The following DAPK1 variants were observed in gnomAD, a reference collection of about 807,000 sequenced individuals.
DAPK1 encodes the protein death associated protein kinase 1, also known as death-associated protein kinase 1.
DAPK1 carries 56 observed loss-of-function variants against 144.9 expected under a neutral mutation model. The ratio of observed to expected loss-of-function variants is 0.39; its 90% CI spans 0.31 to 0.48. DAPK1 has a LOEUF of 0.48. DAPK1 is among the 20% of genes least tolerant of loss of function. DAPK1 has a pLI of 0.95. For missense variants in DAPK1, 1,454 were observed against 1,875.4 expected, an observed-to-expected ratio of 0.78 and a Z score of 4.15; for synonymous variants, 690 against 749.0, an observed-to-expected ratio of 0.92 and a Z score of 1.29.
At chr9:87,682,777 C>T (rs555446390) in intron 20 of DAPK1, among the ~76,000 whole-genome samples, 4 of 152,246 alleles carry the variant, frequency 2.6e-5, no homozygotes, top group South Asian at 2.1e-4. Context: ...TGACAGCTTC[C>T]GAGGTGTTTT....
chr9:87,529,205 GTACTT>G (rs1825624132), intron 2 of DAPK1, among the ~76,000 whole-genome samples: 3 of 152,164 alleles, frequency 2.0e-5, no homozygotes, highest in African/African-American at 4.8e-5. Context: ...TCTTCCAAGT[GTACTT>G]TACTTCCTTT....
intron 3 of DAPK1, 36 bp from the exon 4 acceptor site, chr9:87,637,907 A>C (rs1829958572): frequency 6.2e-7 from 1 of 1,605,644 alleles, no homozygotes; most frequent in African/African-American, 1.3e-5. Context: ...TATGAAACAG[A>C]GTTGTTACCA....
In DAPK1 at chr9:87,708,511, A is replaced by G. The variant is rs1456700535; in HGVS notation, c.*1147A>G. ...TGTTAATGTTATATCATATGTATAT[A>G]TATATATGCACTATGTATATACATA... On this transcript the variant is annotated 3_prime_UTR_variant, in exon 26 of 26. Coordinates refer to ENST00000408954, the MANE Select transcript of DAPK1 (RefSeq NM_004938.4). 2 of 152,648 alleles carry G rather than the reference A, an allele frequency of 1.3e-5. No individual in the cohort carries two copies. The highest frequency in any genetic ancestry group is 2.9e-5 in the Non-Finnish European group (2 of 68,074). 9.5% of individuals were successfully genotyped at this position (152,648 alleles called of 1,614,324 possible).
chr9:87,679,802 T>C (rs1289376760), intron 19 of DAPK1, among the ~76,000 whole-genome samples: 3 of 152,132 alleles, frequency 2.0e-5, no homozygotes, highest in African/African-American at 7.2e-5. Context: ...AATGAGGATA[T>C]TGTGTTCCCA....
intron 2 of DAPK1, among the ~76,000 whole-genome samples, chr9:87,534,313 A>G (rs187378320): frequency 1.1e-4 from 16 of 147,076 alleles, no homozygotes; most frequent in Non-Finnish European, 1.9e-4. Context: ...GACAGTTTTG[A>G]AATTGACAAT....
chr9:87,632,539 A>G (rs1829735294), intron 3 of DAPK1: 25 of 972,610 alleles, frequency 2.6e-5, no homozygotes, highest in African/African-American at 3.5e-5. Flanking sequence ...AAGGAAGATG[A>G]GTATACATGT....
At chr9:87,645,022 A>G (rs1417094116) in intron 11 of DAPK1, among the ~76,000 whole-genome samples, 1 of 152,244 alleles carries the variant, frequency 6.6e-6, no homozygotes, top group Non-Finnish European at 1.5e-5. Flanking sequence ...TCAGATCTAT[A>G]GAGAAGAGAA....
intron 2 of DAPK1, among the ~76,000 whole-genome samples, chr9:87,583,974 A>AT (rs1237694035): frequency 6.6e-6 from 1 of 152,124 alleles, no homozygotes; most frequent in African/African-American, 2.4e-5. Flanking sequence ...CATAATCTCT[A>AT]TTTTTATTTA....
intron 2 of DAPK1, among the ~76,000 whole-genome samples, chr9:87,510,569 A>G (rs1824796828): frequency 6.6e-6 from 1 of 152,148 alleles, no homozygotes; most frequent in Non-Finnish European, 1.5e-5. Context: ...TGGCATTCTT[A>G]TTACAGGGGA....
At chr9:87,502,360 A>T (rs1824435403) in intron 2 of DAPK1, among the ~76,000 whole-genome samples, 1 of 152,114 alleles carries the variant, frequency 6.6e-6, no homozygotes, top group African/African-American at 2.4e-5. Flanking sequence ...CCTCTGTCCC[A>T]GGAGGCGGAA....
chr9:87,512,936 C>T (rs1036018408), intron 2 of DAPK1, among the ~76,000 whole-genome samples: 30 of 152,084 alleles, frequency 2.0e-4, no homozygotes, highest in African/African-American at 7.0e-4. Flanking sequence ...CATGAGCCAC[C>T]ATGCCTGGCC....
rs750864166 is a variant in DAPK1, at chr9:87,706,795, C to T, written c.3724C>T (p.Leu1242=). 3 of 1,613,506 alleles carry T rather than the reference C, an allele frequency of 1.9e-6. No homozygotes were observed. Among genetic ancestry groups the T allele is most frequent in the East Asian group, 2.2e-5 (1 of 44,866 alleles). The part of the protein sequence containing the change: ...TVKHYLSPQQ[L]REHHEPVMIY... The stretch of plus-strand genomic sequence containing the variant: ...GAAGCATTACCTGAGCCCCCAGCAG[C>T]TGCGGGAGCACCATGAGCCCGTCAT... Residue 1242 remains leucine (L), a synonymous_variant, in exon 26 of 26, where the codon CTG becomes TTG. Transcript: ENST00000408954. This position sits in a 1 kb window ranked among gnomAD's most constrained non-coding sequence, Gnocchi z 9.0.
At chr9:87,588,706 G>A (rs982516321) in intron 2 of DAPK1, among the ~76,000 whole-genome samples, 2 of 152,088 alleles carry the variant, frequency 1.3e-5, no homozygotes, top group East Asian at 1.9e-4. Context: ...ATGGAAATAT[G>A]GATTTATTTT....
chr9:87,604,110 G>T (rs961820148), intron 2 of DAPK1, among the ~76,000 whole-genome samples: 8 of 152,244 alleles, frequency 5.3e-5, no homozygotes, highest in Non-Finnish European at 1.2e-4. Flanking sequence ...CTTCTGCAGT[G>T]GTTGTCTTCA....
intron 2 of DAPK1, among the ~76,000 whole-genome samples, chr9:87,524,967 A>G (rs1267790523): frequency 6.6e-6 from 1 of 152,216 alleles, no homozygotes; most frequent in East Asian, 1.9e-4. Flanking sequence ...TGGATGCACC[A>G]AAATTTCACA....
chr9:87,610,162 C>T (rs1828874465), intron 3 of DAPK1, among the ~76,000 whole-genome samples: 1 of 152,214 alleles, frequency 6.6e-6, no homozygotes, highest in South Asian at 2.1e-4. Flanking sequence ...TATGTTTTTC[C>T]CCTACTTGCT....
intron 18 of DAPK1, among the ~76,000 whole-genome samples, chr9:87,667,246 GA>G (rs1221423601): frequency 6.6e-6 from 1 of 152,174 alleles, no homozygotes; most frequent in African/African-American, 2.4e-5. Context: ...CCCACTGGGG[GA>G]TATTTCAGGA....
At chr9:87,643,317 C>A in intron 10 of DAPK1, 59 bp from the exon 11 acceptor site, 1 of 1,050,180 alleles carries the variant, frequency 9.5e-7, no homozygotes. Context: ...CTCTCCTCCT[C>A]TCACCCTGCC....
chr9:87,545,764 C>T lies in DAPK1; in HGVS notation c.62+46625C>T, dbSNP rs113789414. ...TTCACCATGTTGGTCAGGCTGGTCT[C>T]GAACTCCTGACCTCAGGTGATCCAC... On this transcript the variant is annotated intron_variant, in intron 2 of 25. Transcript: ENST00000408954. Among the ~76,000 whole-genome samples, 81 of 151,962 alleles carry T rather than the reference C, an allele frequency of 5.3e-4. 1 individual carries two copies. In the East Asian group the frequency reaches 0.013, roughly 24 times the overall value.
Sources: allele counts gnomAD v4.1 joint callset (sites outside exome capture counted in the v4.1 genomes callset), GRCh38; gene constraint gnomAD v4.1.1; non-coding constraint Gnocchi (gnomAD v3.1); transcripts MANE v1.5; gene names NCBI Gene and HGNC (gene_info 2026-07-23, HGNC 2026-07-21).